Variants in NDUFB7 observed in about 807,000 individuals in gnomAD.
NDUFB7 encodes the protein NADH:ubiquinone oxidoreductase subunit B7, also known as NADH dehydrogenase [ubiquinone] 1 beta subcomplex subunit 7.
Under a neutral mutation model 14.7 loss-of-function variants are expected in NDUFB7, and 18 were observed. The observed-to-expected ratio is 1.22, with a 90% confidence interval of 0.85 to 1.81. The LOEUF is 1.81. NDUFB7 is among the 40% of genes most tolerant of loss of function. The pLI, the probability that NDUFB7 is intolerant of heterozygous loss-of-function variation, is 0.00. For synonymous variants in NDUFB7, 86 were observed against 76.1 expected (o/e 1.13, Z -0.68); for missense variants, 219 against 195.0 (o/e 1.12, Z -0.73).
chr19:14,568,694 G>A (rs2074107589), intron 1 of NDUFB7, among the ~76,000 whole-genome samples: 1 of 152,148 alleles, frequency 6.6e-6, no homozygotes, highest in African/African-American at 2.4e-5. Flanking sequence ...AGACCAGCCT[G>A]GGGAGCACAG....
chr19:14,566,680 G>A, intron 2 of NDUFB7, 85 bp downstream of exon 2: 1 of 1,267,936 alleles, frequency 7.9e-7, no homozygotes, highest in South Asian at 1.4e-5. Flanking sequence ...GCATGTGGGG[G>A]GCTTGGGTGG....
Position 14,567,040 on chromosome 19 carries a change from G to T in NDUFB7, c.113-107C>A. On this transcript the variant is annotated intron_variant, in intron 1 of 2. Coordinates refer to ENST00000215565, the MANE Select transcript of NDUFB7 (RefSeq NM_004146.6). The surrounding 1 kb of genome is among the most constrained non-coding windows in gnomAD (Gnocchi z 5.1). ...GCTTCAGGAAGGCACGGCTTGGGGT[G>T]TCCCCCATTCACATCCAGATGGCAG... The T allele has an allele frequency of 8.5e-7, 1 of 1,182,488 alleles. No individual in the cohort carries two copies. Among genetic ancestry groups the T allele is most frequent in the Non-Finnish European group, 1.2e-6 (1 of 851,044 alleles). 73.2% of individuals were successfully genotyped at this position (1,182,488 alleles called of 1,614,324 possible).
chr19:14,566,376 A>AAGAC lies in NDUFB7; in HGVS notation c.282-115_282-112dup. 5 of 1,532,246 alleles carry AAGAC rather than the reference A, an allele frequency of 3.3e-6. No individual in the cohort carries two copies. The Admixed American group carries it at 7.1e-5, about 22-fold the overall frequency. The allele number at this position is 1,532,246 out of a possible 1,614,324, so 94.9% of individuals were successfully genotyped here. A position where few individuals can be genotyped will look rare whatever the true frequency, so the allele number is the denominator to read the frequency against. On this transcript the variant is annotated intron_variant, in intron 2 of 2. Coordinates refer to ENST00000215565, the MANE Select transcript of NDUFB7 (RefSeq NM_004146.6). ...AGCACTGTGGGGGAGGCCTCTGAAG[A>AAGAC]AGACATGTCCGAGTGCCTGTGGCTT...
rs775617478 is a variant in NDUFB7 at position 14,571,906 on chromosome 19, G to A, written c.95C>T (p.Pro32Leu). ...MPTFPPDYGF[P>L]ERKEREMVAT... Reference sequence around the variant, plus strand: ...GGCCTCACCGCGCTCCTTGCGTTCGGGGAAGCCGTAGTCTGGCGGGAAGGT... The same window carrying A: ...GGCCTCACCGCGCTCCTTGCGTTCGAGGAAGCCGTAGTCTGGCGGGAAGGT... Residue 32 changes from proline to leucine, a missense_variant, in exon 1 of 3, where the codon CCC (proline) becomes CTC (leucine). Physicochemically the swap from Pro to Leu is moderately conservative, Grantham distance 98. Coordinates refer to ENST00000215565, the MANE Select transcript of NDUFB7 (RefSeq NM_004146.6). 7.4e-6 allele frequency: 12 copies of A among 1,610,872 alleles called. No homozygotes were observed. In the East Asian group the frequency reaches 2.2e-4, roughly 30 times the overall value.
rs1358470412 is a variant in NDUFB7 at position 14,567,594 on chromosome 19, G to A, written c.113-661C>T. On this transcript the variant is annotated intron_variant, in intron 1 of 2. Transcript: ENST00000215565. The surrounding 1 kb of genome is among the most constrained non-coding windows in gnomAD (Gnocchi z 5.1). ...AATCAACCTTCAGGAGGGGGCCGAT[G>A]GGAGCATGAGGAATCCTGGACACTC... Among the ~76,000 whole-genome samples the A allele has an allele frequency of 1.3e-5, 2 of 152,002 alleles. No homozygotes were observed. Among genetic ancestry groups the A allele is most frequent in the Non-Finnish European group, 2.9e-5 (2 of 68,004 alleles).
intron 1 of NDUFB7, among the ~76,000 whole-genome samples, chr19:14,570,646 G>A (rs781613940): frequency 6.6e-5 from 10 of 152,086 alleles, no homozygotes; most frequent in Admixed American, 1.3e-4. Context: ...CACCCTTCAC[G>A]TCTTTGTTTC....
rs534307177 is a variant in NDUFB7, at chr19:14,567,779, G to A, written c.113-846C>T. On this transcript the variant is annotated intron_variant, in intron 1 of 2. Coordinates refer to ENST00000215565, the MANE Select transcript of NDUFB7 (RefSeq NM_004146.6). This position sits in a 1 kb window ranked among gnomAD's most constrained non-coding sequence, Gnocchi z 5.1. ...ATATATTCACATCTCAATGGCAGTC[G>A]TCCCCTGCTGGCTTCTCTCCCCTTT... 1.3e-5 allele frequency among the ~76,000 whole-genome samples: 2 copies of A among 152,040 alleles called. No individual in the cohort carries two copies. Among genetic ancestry groups the A allele is most frequent in the Admixed American group, 6.6e-5 (1 of 15,256 alleles).
Position 14,567,908 on chromosome 19 carries a change from C to T in NDUFB7, c.113-975G>A, listed in dbSNP as rs74836719. Among the ~76,000 whole-genome samples the T allele has an allele frequency of 1.6e-3, 239 of 152,268 alleles. No homozygotes were observed. Among genetic ancestry groups the T allele is most frequent in the African/African-American group, 5.5e-3 (227 of 41,556 alleles). Reference sequence around the variant, plus strand: ...GCCCTACCCCCTCACTGCCCAGACACGGGCTCTCACAGGGCCACCCAACAG... The same window carrying T: ...GCCCTACCCCCTCACTGCCCAGACATGGGCTCTCACAGGGCCACCCAACAG... On this transcript the variant is annotated intron_variant, in intron 1 of 2. Transcript: ENST00000215565. The surrounding 1 kb of genome is among the most constrained non-coding windows in gnomAD (Gnocchi z 5.1).
At position 14,571,752 on chromosome 19, in the gene NDUFB7, G is replaced by A. The variant is rs995397801; in HGVS notation, c.112+137C>T. The A allele has an allele frequency of 1.8e-5, 14 of 773,062 alleles. No individual in the cohort carries two copies. The African/African-American group carries it at 2.3e-4, about 12-fold the overall frequency. The allele number at this position is 773,062 out of a possible 1,614,324, so 47.9% of individuals were successfully genotyped here. The stretch of plus-strand genomic sequence containing the variant: ...TGAGGTGGGGTCATGCACGTCCTGT[G>A]GACTCCTAGTCTAGACCCAAACCCA... On this transcript the variant is annotated intron_variant, in intron 1 of 2. Transcript: ENST00000215565.
chr19:14,569,502 C>G (rs138086562), intron 1 of NDUFB7, among the ~76,000 whole-genome samples: 13 of 151,976 alleles, frequency 8.6e-5, no homozygotes, highest in African/African-American at 3.1e-4. Flanking sequence ...TTCAGTTGCA[C>G]GGGGATAGGC....
In NDUFB7 at chr19:14,566,096, T is replaced by G; in HGVS notation, c.*37A>C. 1 of 1,588,980 alleles carries G rather than the reference T, an allele frequency of 6.3e-7. No homozygotes were observed. Among genetic ancestry groups the G allele is most frequent in the Non-Finnish European group, 8.6e-7 (1 of 1,166,946 alleles). On this transcript the variant is annotated 3_prime_UTR_variant, in exon 3 of 3. Coordinates refer to ENST00000215565, the MANE Select transcript of NDUFB7 (RefSeq NM_004146.6). ...ACTCTGGTTGAGGGGCCTGAAGGCT[T>G]TTATTTGACTGGTCCATAGGGTGGG...
chr19:14,569,746 G>T (rs2074114045), intron 1 of NDUFB7, among the ~76,000 whole-genome samples: 1 of 152,100 alleles, frequency 6.6e-6, no homozygotes, highest in Non-Finnish European at 1.5e-5. Flanking sequence ...CTGCTTAGAG[G>T]TCTCTGTCTC....
At chr19:14,571,851 C>T (rs750900248) in intron 1 of NDUFB7, 38 bp downstream of exon 1, 16 of 1,575,968 alleles carry the variant, frequency 1.0e-5, no homozygotes, top group Non-Finnish European at 1.3e-5. Flanking sequence ...GCACCCGCGC[C>T]CCACGCCCTC....
At chr19:14,568,528 A>G (rs949415315) in intron 1 of NDUFB7, among the ~76,000 whole-genome samples, 17 of 152,100 alleles carry the variant, frequency 1.1e-4, no homozygotes, top group Admixed American at 8.5e-4. Flanking sequence ...ACTTATAATC[A>G]GCTAGCAGCA....
rs778562126 is a variant in NDUFB7, at chr19:14,571,856, G to C, written c.112+33C>G. The C allele has an allele frequency of 4.4e-5, 70 of 1,581,974 alleles. No homozygotes were observed. In the South Asian group the frequency reaches 7.1e-4, roughly 16 times the overall value. On this transcript the variant is annotated intron_variant, in intron 1 of 2. Coordinates refer to ENST00000215565, the MANE Select transcript of NDUFB7 (RefSeq NM_004146.6). Reference sequence around the variant, plus strand: ...AGGTGTTCAGGCACCCGCGCCCCACGCCCTCTGGCTGCGCCTGCGCACTGG... The same window carrying C: ...AGGTGTTCAGGCACCCGCGCCCCACCCCCTCTGGCTGCGCCTGCGCACTGG...
intron 1 of NDUFB7, among the ~76,000 whole-genome samples, chr19:14,568,370 C>G (rs1245549778): frequency 6.6e-6 from 1 of 152,146 alleles, no homozygotes; most frequent in East Asian, 1.9e-4. Context: ...CTGCTGCCGC[C>G]CCGTATGTAG....
In NDUFB7 at chr19:14,566,948, C is replaced by T. The variant is rs759627780; in HGVS notation, c.113-15G>A. The T allele has an allele frequency of 6.4e-6, 10 of 1,565,996 alleles. No individual in the cohort carries two copies. The highest frequency in any genetic ancestry group is 2.3e-5 in the East Asian group (1 of 43,360). On this transcript the variant is annotated splice_polypyrimidine_tract_variant and intron_variant, in intron 1 of 2. Transcript: ENST00000215565. ...GGCCACCATCTCTGCAGGGAGTGGGCGGGGCTCAACCAGGCTGGAGGCTCC... is the reference window on the plus strand; with the variant it reads ...GGCCACCATCTCTGCAGGGAGTGGGTGGGGCTCAACCAGGCTGGAGGCTCC...
chr19:14,571,871 C>A lies in NDUFB7; in HGVS notation c.112+18G>T. The A allele has an allele frequency of 6.3e-7, 1 of 1,597,964 alleles. No homozygotes were observed. The highest frequency in any genetic ancestry group is 8.5e-7 in the Non-Finnish European group (1 of 1,173,506). On this transcript the variant is annotated intron_variant, in intron 1 of 2. Transcript: ENST00000215565. ...CGCGCCCCACGCCCTCTGGCTGCGC[C>A]TGCGCACTGGGCCTCACCGCGCTCC... is the stretch of plus-strand genomic sequence containing the variant.
chr19:14,566,182 A>C lies in NDUFB7; in HGVS notation c.365T>G (p.Leu122Trp), dbSNP rs1248740382. The change falls in exon 3 of 3, where the codon TTG becomes TGG. Residue 122 changes from leucine (L) to tryptophan (W), a missense_variant. By Grantham distance (61) the Leu-to-Trp change is moderately conservative. Transcript: ENST00000215565. ...TTCCCCGGGTCCCTGGCCTTTGGCC[A>C]ACTCTGCCGCCTTCTTCTCCCGCCG... Reference protein sequence around the residue: ...KKRREKKAAELAKGQGPGEVD... With the variant: ...KKRREKKAAEWAKGQGPGEVD... 6.2e-7 allele frequency: 1 copy of C among 1,613,638 alleles called. No individual in the cohort carries two copies. Among genetic ancestry groups the C allele is most frequent in the Non-Finnish European group, 8.5e-7 (1 of 1,179,854 alleles).
Sources: allele counts gnomAD v4.1 joint callset (sites outside exome capture counted in the v4.1 genomes callset), GRCh38; gene constraint gnomAD v4.1.1; non-coding constraint Gnocchi (gnomAD v3.1); transcripts MANE v1.5; gene names NCBI Gene and HGNC (gene_info 2026-07-23, HGNC 2026-07-21).